Variants in ESRRB observed in about 807,000 individuals in gnomAD.
ESRRB encodes steroid hormone receptor ERR2.
A neutral mutation model predicts 46.0 loss-of-function variants in ESRRB; 16 were observed. The observed-to-expected ratio is 0.35, with a 90% confidence interval of 0.24 to 0.53. The LOEUF (loss-of-function observed/expected upper bound fraction) is 0.53. Ranked by LOEUF, ESRRB falls within the 20% of genes least tolerant of loss-of-function variation. The probability of loss-of-function intolerance (pLI) is 0.93; values close to 1 mark genes in which losing one functional copy is unlikely to be tolerated. For synonymous variants in ESRRB, 246 were observed against 259.6 expected, an observed-to-expected ratio of 0.95 and a Z score of 0.50; for missense variants, 488 against 607.4, an observed-to-expected ratio of 0.80 and a Z score of 2.07.
At chr14:76,344,789 T>C (rs1260105617) in intron 1 of ESRRB, among the ~76,000 whole-genome samples, 1 of 151,298 alleles carries the variant, frequency 6.6e-6, no homozygotes, top group Non-Finnish European at 1.5e-5. Flanking sequence ...GAGGCGGAAG[T>C]TGCAGTGAGC....
At chr14:76,346,401 G>T (rs1884250309) in intron 1 of ESRRB, among the ~76,000 whole-genome samples, 1 of 152,206 alleles carries the variant, frequency 6.6e-6, no homozygotes, top group African/African-American at 2.4e-5. Context: ...ACCCTGAAAT[G>T]ACTTCCACCC....
chr14:76,453,875 G>A (rs144938660), intron 2 of ESRRB, among the ~76,000 whole-genome samples: 20 of 152,270 alleles, frequency 1.3e-4, no homozygotes, highest in African/African-American at 4.8e-4. Flanking sequence ...GCCTCCCAAA[G>A]TGCCTGGATT....
At chr14:76,462,954 G>A (rs938465915) in intron 3 of ESRRB, among the ~76,000 whole-genome samples, 2 of 152,136 alleles carry the variant, frequency 1.3e-5, no homozygotes, top group African/African-American at 4.8e-5. Flanking sequence ...CAAATCCCAC[G>A]TCTACCCTAG....
At chr14:76,451,222 G>A (rs968862521) in intron 2 of ESRRB, among the ~76,000 whole-genome samples, 10 of 152,214 alleles carry the variant, frequency 6.6e-5, no homozygotes, top group African/African-American at 2.4e-5. Flanking sequence ...GTAAGGAACA[G>A]TTAAGTAAGG....
intron 1 of ESRRB, among the ~76,000 whole-genome samples, chr14:76,358,528 T>C: frequency 6.6e-6 from 1 of 151,700 alleles, no homozygotes; most frequent in East Asian, 1.9e-4. Context: ...GGTACATAGA[T>C]ATGTTCATTT....
intron 1 of ESRRB, among the ~76,000 whole-genome samples, chr14:76,422,750 G>A (rs1198957569): frequency 6.6e-6 from 1 of 152,204 alleles, no homozygotes; most frequent in East Asian, 1.9e-4. Context: ...AGGAAACCAA[G>A]TCCTAGAGAG....
chr14:76,362,344 A>G (rs1303209491), intron 1 of ESRRB, among the ~76,000 whole-genome samples: 2 of 152,170 alleles, frequency 1.3e-5, no homozygotes, highest in Non-Finnish European at 2.9e-5. Flanking sequence ...CTCCAAAGCC[A>G]GTGCTCTTAT....
At chr14:76,453,990 C>A (rs895505027) in intron 2 of ESRRB, among the ~76,000 whole-genome samples, 2 of 151,724 alleles carry the variant, frequency 1.3e-5, no homozygotes, top group Middle Eastern at 6.3e-3. Context: ...ACAAACCAGG[C>A]GACTAAAAAA....
chr14:76,318,700 G>A (rs1883831101), intron 1 of ESRRB, among the ~76,000 whole-genome samples: 1 of 152,152 alleles, frequency 6.6e-6, no homozygotes, highest in South Asian at 2.1e-4. Context: ...AGTACCTGCT[G>A]GATAATAAAC....
intron 2 of ESRRB, among the ~76,000 whole-genome samples, chr14:76,451,919 G>T (rs4254264): frequency 6.8e-6 from 1 of 147,666 alleles, no homozygotes; most frequent in Non-Finnish European, 1.5e-5. Flanking sequence ...GATTACAGGC[G>T]TCTGCCACTG....
rs115813766 is a variant in ESRRB, at chr14:76,457,377, C to A, written c.461-5168C>A. Among the ~76,000 whole-genome samples, 321 of 152,196 alleles carry A rather than the reference C, an allele frequency of 2.1e-3. 1 individual carries two copies. The highest frequency in any genetic ancestry group is 7.5e-3 in the African/African-American group (312 of 41,544). On this transcript the variant is annotated intron_variant, in intron 2 of 6. Transcript: ENST00000644823. ...GGTTGTATCTACCCTGTAAGACAAT[C>A]TTGTCCAACCTGTGGCCCAGGATGG... is the stretch of plus-strand genomic sequence containing the variant.
At chr14:76,358,408 A>G (rs1230460682) in intron 1 of ESRRB, among the ~76,000 whole-genome samples, 1 of 136,236 alleles carries the variant, frequency 7.3e-6, no homozygotes, top group Non-Finnish European at 1.6e-5. Flanking sequence ...AGAAAGAAAG[A>G]AAGAAAAGAA....
Position 76,406,190 on chromosome 14 carries a change from G to A in ESRRB, c.50+29739G>A, listed in dbSNP as rs532279088. ...TGAGTGGACAAACCGCCCCTGCTCC[G>A]GCCCTAAGAAATTACAGAGTAAGGA... is the stretch of plus-strand genomic sequence containing the variant. On this transcript the variant is annotated intron_variant, in intron 1 of 6. Transcript: ENST00000644823. 1.6e-3 allele frequency among the ~76,000 whole-genome samples: 240 copies of A among 152,218 alleles called. 1 individual carries two copies. Among genetic ancestry groups the A allele is most frequent in the African/African-American group, 5.4e-3 (223 of 41,524 alleles).
intron 1 of ESRRB, among the ~76,000 whole-genome samples, chr14:76,356,445 T>C (rs1306777096): frequency 6.6e-6 from 1 of 152,216 alleles, no homozygotes; most frequent in Non-Finnish European, 1.5e-5. Flanking sequence ...ATTATACGAC[T>C]ACCCCAGAGA....
chr14:76,487,683 A>G (rs760842399), intron 5 of ESRRB, among the ~76,000 whole-genome samples: 3 of 151,712 alleles, frequency 2.0e-5, no homozygotes, highest in Non-Finnish European at 4.4e-5. Context: ...GGCTCACTGG[A>G]GCTTTGACCA....
At chr14:76,406,920 A>G (rs1476764181) in intron 1 of ESRRB, among the ~76,000 whole-genome samples, 2 of 152,156 alleles carry the variant, frequency 1.3e-5, no homozygotes, top group African/African-American at 4.8e-5. Context: ...CTCTGTCTTG[A>G]TCCGCCTCCT....
chr14:76,459,371 G>A (rs1029144654), intron 2 of ESRRB, among the ~76,000 whole-genome samples: 2 of 152,176 alleles, frequency 1.3e-5, no homozygotes, highest in African/African-American at 4.8e-5. Context: ...ACATTAATGG[G>A]TTATCAGCAG....
At chr14:76,384,759 G>A (rs542352360) in intron 1 of ESRRB, among the ~76,000 whole-genome samples, 1 of 152,160 alleles carries the variant, frequency 6.6e-6, no homozygotes, top group Non-Finnish European at 1.5e-5. Flanking sequence ...GACAAGGGGG[G>A]GTTATGACTT....
chr14:76,452,653 C>CAAAACAAACA, intron 2 of ESRRB, among the ~76,000 whole-genome samples: 1 of 120,852 alleles, frequency 8.3e-6, no homozygotes, highest in Admixed American at 7.3e-5. Flanking sequence ...CAAAACAAAA[C>CAAAACAAACA]AAAAAAAAAG....
Sources: gnomAD v4.1 joint callset for allele counts (sites outside exome capture counted in the v4.1 genomes callset) on GRCh38, gnomAD v4.1.1 for gene constraint, MANE v1.5 for transcripts, NCBI Gene and HGNC (gene_info 2026-07-23, HGNC 2026-07-21) for gene names.